The following SNX24 variants were observed in gnomAD, a reference collection of about 807,000 sequenced individuals.
SNX24 encodes the protein sorting nexin 24.
A neutral mutation model predicts 28.7 loss-of-function variants in SNX24; 22 were observed. The observed-to-expected ratio is 0.77, with a 90% CI of 0.55 to 1.10. The LOEUF (loss-of-function observed/expected upper bound fraction) is 1.10. Among genes scored for constraint, SNX24 ranks in the 50% least tolerant of loss-of-function variants. The pLI, the probability that SNX24 is intolerant of heterozygous loss-of-function variation, is 0.00. For missense variants in SNX24, 221 were observed against 201.1 expected (o/e 1.10, Z -0.60); for synonymous variants, 69 against 71.5 (o/e 0.96, Z 0.18).
At chr5:122,984,594 C>G (rs910208639) in intron 3 of SNX24, among the ~76,000 whole-genome samples, 58 of 152,152 alleles carry the variant, frequency 3.8e-4, no homozygotes, top group African/African-American at 1.3e-3. Context: ...TGAGACAAAA[C>G]AAGAAAAGTT....
chr5:122,859,015 T>C (rs1755332585), intron 1 of SNX24, among the ~76,000 whole-genome samples: 1 of 152,142 alleles, frequency 6.6e-6, no homozygotes, highest in South Asian at 2.1e-4. Context: ...CCCAAAATGC[T>C]AGAATTACAG....
rs1554075837 is a variant in SNX24 at position 122,956,349 on chromosome 5, T to TG, written c.249+10193dup. On this transcript the variant is annotated intron_variant, in intron 3 of 6. Transcript: ENST00000261369. Reference sequence around the variant, plus strand: ...GTAAAAATAAAACCTTTAAAACACTTGGGAAAAAAAAAATATATACACACA... The same window carrying TG: ...GTAAAAATAAAACCTTTAAAACACTTGGGGAAAAAAAAAATATATACACACA... 7.1e-4 allele frequency among the ~76,000 whole-genome samples: 53 copies of TG among 74,618 alleles called. 1 individual carries two copies. The highest frequency in any genetic ancestry group is 3.5e-3 in the African/African-American group (51 of 14,450). 49.0% of individuals were successfully genotyped at this position (74,618 alleles called of 152,430 possible). A position where few individuals can be genotyped will look rare whatever the true frequency, so the allele number is the denominator to read the frequency against.
chr5:122,854,515 C>A (rs10477637), intron 1 of SNX24, among the ~76,000 whole-genome samples: 3,071 of 117,904 alleles, frequency 0.026, no homozygotes, highest in Non-Finnish European at 0.032. Flanking sequence ...CTCAAAAAAA[C>A]AAAAAAAAAA....
intron 1 of SNX24, among the ~76,000 whole-genome samples, chr5:122,915,803 C>T (rs1171823866): frequency 6.6e-6 from 1 of 152,196 alleles, no homozygotes; most frequent in Non-Finnish European, 1.5e-5. Flanking sequence ...CCTCCTGTGC[C>T]TTGAGCTCCA....
Position 122,890,471 on chromosome 5 carries a change from A to ATTTT in SNX24, c.60+44791_60+44794dup, listed in dbSNP as rs1161406947. ...AGGAAAAGATTTCCATTTAGAGGGGATTTTTTTTTTTTTTTTGACACGGAA... is the reference window on the plus strand; with the variant it reads ...AGGAAAAGATTTCCATTTAGAGGGGATTTTTTTTTTTTTTTTTTTTGACACGGAA... On this transcript the variant is annotated intron_variant, in intron 1 of 6. Coordinates refer to ENST00000261369, the MANE Select transcript of SNX24 (RefSeq NM_014035.4). Among the ~76,000 whole-genome samples the ATTTT allele has an allele frequency of 1.0e-4, 14 of 138,906 alleles. 1 individual carries two copies. Among genetic ancestry groups the ATTTT allele is most frequent in the African/African-American group, 2.1e-4 (8 of 37,334 alleles). The allele number at this position is 138,906 out of a possible 152,430, so 91.1% of individuals were successfully genotyped here. A position where few individuals can be genotyped will look rare whatever the true frequency, so the allele number is the denominator to read the frequency against.
intron 3 of SNX24, among the ~76,000 whole-genome samples, chr5:122,974,380 A>G (rs1232020246): frequency 1.3e-5 from 2 of 152,356 alleles, no homozygotes; most frequent in Admixed American, 1.3e-4. Flanking sequence ...AAAATGGATC[A>G]AAATCTCTGT....
intron 3 of SNX24, among the ~76,000 whole-genome samples, chr5:122,980,193 T>G (rs1194381960): frequency 1.3e-5 from 2 of 152,234 alleles, no homozygotes; most frequent in Non-Finnish European, 2.9e-5. Flanking sequence ...AATTTTTTTT[T>G]GCAATTTATA....
chr5:122,854,515 C>CAAAAAA (rs55693230), intron 1 of SNX24, among the ~76,000 whole-genome samples: 3 of 121,402 alleles, frequency 2.5e-5, no homozygotes, highest in African/African-American at 9.8e-5. Context: ...CTCAAAAAAA[C>CAAAAAA]AAAAAAAAAA....
At chr5:122,868,657 C>A (rs1755828129) in intron 1 of SNX24, among the ~76,000 whole-genome samples, 1 of 152,104 alleles carries the variant, frequency 6.6e-6, no homozygotes, top group African/African-American at 2.4e-5. Flanking sequence ...CTGGGACCCA[C>A]TCAAAACTAG....
intron 3 of SNX24, among the ~76,000 whole-genome samples, chr5:122,956,421 A>AT (rs937910541): frequency 2.0e-5 from 3 of 148,840 alleles, no homozygotes; most frequent in African/African-American, 4.9e-5. Context: ...CAGCCACCAT[A>AT]TTTTTTTTAG....
chr5:122,970,510 C>T (rs1030775989), intron 3 of SNX24, among the ~76,000 whole-genome samples: 1 of 152,088 alleles, frequency 6.6e-6, no homozygotes, highest in Non-Finnish European at 1.5e-5. Flanking sequence ...GCTCTGTCGC[C>T]CAGGCTGGAG....
chr5:123,022,471 G>GT (rs35906519), intron 5 of SNX24: 32,677 of 142,754 alleles, frequency 0.23, 4,281 homozygotes, highest in Non-Finnish European at 0.33. Context: ...TTTCCCATTA[G>GT]TTTTTTTTTT....
chr5:122,980,553 CTCT>C (rs1371782027), intron 3 of SNX24, among the ~76,000 whole-genome samples: 1 of 151,880 alleles, frequency 6.6e-6, no homozygotes, highest in South Asian at 2.1e-4. Context: ...TTTTGACCTT[CTCT>C]TCTTCTAGTA....
At chr5:122,950,666 T>C (rs1007573684) in intron 3 of SNX24, among the ~76,000 whole-genome samples, 2 of 152,190 alleles carry the variant, frequency 1.3e-5, no homozygotes, top group African/African-American at 4.8e-5. Context: ...TGGCTTATAT[T>C]TGTGTGCATG....
At chr5:122,960,020 C>G (rs1760416430) in intron 3 of SNX24, among the ~76,000 whole-genome samples, 1 of 152,196 alleles carries the variant, frequency 6.6e-6, no homozygotes, top group South Asian at 2.1e-4. Context: ...CTTCCCCTCC[C>G]TACACGGGCT....
chr5:122,906,289 C>G (rs902146826), intron 1 of SNX24, among the ~76,000 whole-genome samples: 1 of 152,134 alleles, frequency 6.6e-6, no homozygotes, highest in Non-Finnish European at 1.5e-5. Context: ...ACCATGCTGC[C>G]CTCCTGTCTG....
intron 3 of SNX24, among the ~76,000 whole-genome samples, chr5:122,952,900 A>G (rs1441850076): frequency 6.6e-6 from 1 of 152,148 alleles, no homozygotes; most frequent in African/African-American, 2.4e-5. Context: ...ACGTCAAACA[A>G]AAGACATAGA....
At chr5:122,865,882 G>A (rs1223034665) in intron 1 of SNX24, among the ~76,000 whole-genome samples, 1 of 152,092 alleles carries the variant, frequency 6.6e-6, no homozygotes, top group African/African-American at 2.4e-5. Flanking sequence ...TCCTTCCCTA[G>A]AAGAGAAGGT....
chr5:122,957,146 T>G (rs1182200139), intron 3 of SNX24, among the ~76,000 whole-genome samples: 1 of 152,234 alleles, frequency 6.6e-6, no homozygotes, highest in African/African-American at 2.4e-5. Context: ...TTTAATAGTT[T>G]AGGTCTTACA....
Sources: allele counts gnomAD v4.1 joint callset (sites outside exome capture counted in the v4.1 genomes callset), GRCh38; gene constraint gnomAD v4.1.1; transcripts MANE v1.5; gene names NCBI Gene and HGNC (gene_info 2026-07-23, HGNC 2026-07-21).